Variants in TSHZ2 observed in about 807,000 individuals in gnomAD.
The protein encoded by TSHZ2 is teashirt homolog 2.
A neutral mutation model predicts 74.4 loss-of-function variants in TSHZ2; 21 were observed. The ratio of observed to expected loss-of-function variants is 0.28; its 90% confidence interval spans 0.20 to 0.41. The LOEUF (loss-of-function observed/expected upper bound fraction) is 0.41. Ranked by LOEUF, TSHZ2 falls within the 10% of genes least tolerant of loss-of-function variation. The probability of loss-of-function intolerance (pLI) is 1.00; values close to 1 mark genes in which losing one functional copy is unlikely to be tolerated. For synonymous variants in TSHZ2, 540 were observed against 515.3 expected (o/e 1.05, Z -0.65); for missense variants, 1,244 against 1,293.5 (o/e 0.96, Z 0.59).
rs147751795 is a variant in TSHZ2, at chr20:53,345,179, G to A, written c.*8+88608G>A. On this transcript the variant is annotated intron_variant, in intron 2 of 2. Transcript: ENST00000371497. ...GAGGCAGAGGAACCTGTGCCAAAGT[G>A]TGGATGTGTGTTTTTGTGGATATGG... 3.9e-5 allele frequency among the ~76,000 whole-genome samples: 6 copies of A among 152,362 alleles called. No individual in the cohort carries two copies. The East Asian group carries it at 1.2e-3, about 29-fold the overall frequency.
intron 1 of TSHZ2, among the ~76,000 whole-genome samples, chr20:53,054,816 A>C (rs912019739): frequency 1.3e-5 from 2 of 152,134 alleles, no homozygotes; most frequent in Admixed American, 1.3e-4. Flanking sequence ...GGCTATGGGC[A>C]CTATACAGCT....
At position 53,469,928 on chromosome 20, in the gene TSHZ2, A is replaced by T. The variant is rs149397970; in HGVS notation, c.*9-17216A>T. Among the ~76,000 whole-genome samples, 677 of 145,118 alleles carry T rather than the reference A, an allele frequency of 4.7e-3. 10 individuals carry two copies. Among genetic ancestry groups the T allele is most frequent in the African/African-American group, 0.017 (653 of 38,432 alleles). On this transcript the variant is annotated intron_variant, in intron 2 of 2. Transcript: ENST00000371497. ...AAGGAAGGAAGGAAGGAAGGCAGGCAGGCAGGCAGGCAGGCAGACACAACC... is the reference window on the plus strand; with the variant it reads ...AAGGAAGGAAGGAAGGAAGGCAGGCTGGCAGGCAGGCAGGCAGACACAACC...
At chr20:53,449,920 T>G (rs1365248975) in intron 2 of TSHZ2, among the ~76,000 whole-genome samples, 1 of 152,262 alleles carries the variant, frequency 6.6e-6, no homozygotes, top group Non-Finnish European at 1.5e-5. Context: ...TGCATTCTAC[T>G]TTCTTCACCA....
rs16997721 is a variant in TSHZ2, at chr20:53,185,208, T to G, written c.41-68291T>G. ...CTTTCCTCTGAATTTGTCTGGGAGC[T>G]TTTTACTGTCATTTAGCCTGTTTCT... On this transcript the variant is annotated intron_variant, in intron 1 of 2. Transcript: ENST00000371497. 1,765 of 987,678 alleles carry G rather than the reference T, an allele frequency of 1.8e-3. 22 individuals are homozygous for G. The African/African-American group carries it at 0.029, about 16-fold the overall frequency. 61.2% of individuals were successfully genotyped at this position (987,678 alleles called of 1,614,324 possible).
chr20:53,408,949 C>T (rs569380861), intron 2 of TSHZ2, among the ~76,000 whole-genome samples: 12 of 152,292 alleles, frequency 7.9e-5, no homozygotes, highest in African/African-American at 2.9e-4. Context: ...CCTAGGCCAG[C>T]CTATTCTTCT....
chr20:53,075,904 A>G (rs1485988774), intron 1 of TSHZ2, among the ~76,000 whole-genome samples: 2 of 152,288 alleles, frequency 1.3e-5, no homozygotes, highest in Non-Finnish European at 2.9e-5. Flanking sequence ...TAAGTGGCAC[A>G]TTCTCAACTG....
intron 1 of TSHZ2, among the ~76,000 whole-genome samples, chr20:52,995,273 A>G (rs1168906497): frequency 6.6e-6 from 1 of 152,166 alleles, no homozygotes; most frequent in Admixed American, 6.5e-5. Flanking sequence ...GAATCTCTAC[A>G]TGGGGTGGCT....
intron 1 of TSHZ2, among the ~76,000 whole-genome samples, chr20:53,144,863 A>G (rs991336811): frequency 1.8e-4 from 28 of 151,454 alleles, no homozygotes; most frequent in African/African-American, 6.8e-4. Context: ...ATAATAATAT[A>G]TAAAATACAA....
chr20:53,055,413 G>A (rs1268953825), intron 1 of TSHZ2, among the ~76,000 whole-genome samples: 1 of 152,146 alleles, frequency 6.6e-6, no homozygotes, highest in Non-Finnish European at 1.5e-5. Flanking sequence ...ACTAAAATTT[G>A]CAATAATTCA....
intron 1 of TSHZ2, among the ~76,000 whole-genome samples, chr20:53,152,896 G>A (rs1205880918): frequency 6.6e-6 from 1 of 152,130 alleles, no homozygotes; most frequent in South Asian, 2.1e-4. Flanking sequence ...GGGCTTTGAG[G>A]ACCCAGAGAA....
chr20:53,068,874 T>G (rs1985079499), intron 1 of TSHZ2, among the ~76,000 whole-genome samples: 1 of 147,788 alleles, frequency 6.8e-6, no homozygotes, highest in Non-Finnish European at 1.5e-5. Context: ...TTTTCTGTTG[T>G]TTTTTTTTTC....
At chr20:53,340,957 G>A (rs2052281216) in intron 2 of TSHZ2, among the ~76,000 whole-genome samples, 1 of 152,152 alleles carries the variant, frequency 6.6e-6, no homozygotes, top group African/African-American at 2.4e-5. Context: ...CCTACCTGCT[G>A]GCTTGTTGGT....
At chr20:53,038,080 T>C (rs894621137) in intron 1 of TSHZ2, among the ~76,000 whole-genome samples, 5 of 151,106 alleles carry the variant, frequency 3.3e-5, no homozygotes, top group Middle Eastern at 3.4e-3. Flanking sequence ...TGCCCGGGGC[T>C]AAAAGAAACT....
At chr20:53,233,392 GA>G (rs1433889928) in intron 1 of TSHZ2, among the ~76,000 whole-genome samples, 1 of 152,198 alleles carries the variant, frequency 6.6e-6, no homozygotes, top group African/African-American at 2.4e-5. Context: ...GACTATGTAA[GA>G]AGAGATCCTG....
intron 2 of TSHZ2, among the ~76,000 whole-genome samples, chr20:53,438,387 C>G (rs1984177125): frequency 6.6e-6 from 1 of 152,172 alleles, no homozygotes; most frequent in Admixed American, 6.5e-5. Context: ...AGCCACCAAG[C>G]CCAGCCTGCA....
chr20:53,302,808 T>C (rs1458118533), intron 2 of TSHZ2, among the ~76,000 whole-genome samples: 1 of 152,190 alleles, frequency 6.6e-6, no homozygotes, highest in African/African-American at 2.4e-5. Context: ...TTCATTTCCA[T>C]AAAATTTAAA....
At position 53,256,318 on chromosome 20, in the gene TSHZ2, A is replaced by C. The variant is rs1990480135; in HGVS notation, c.2860A>C (p.Lys954Gln). 6.2e-7 allele frequency: 1 copy of C among 1,613,952 alleles called. No individual in the cohort carries two copies. The highest frequency in any genetic ancestry group is 1.3e-5 in the African/African-American group (1 of 74,910). ...AGAATCTCACCTGGGTTTCCAAATG[A>C]AGGACATGACCCGCTTGTCAGTGGA... is the stretch of plus-strand genomic sequence containing the variant. The part of the protein sequence containing the change: ...HLESHLGFQM[K>Q]DMTRLSVDQQ... The change falls in exon 2 of 3, where the codon AAG becomes CAG. Residue 954 changes from lysine to glutamine, a missense_variant. This residue lies in a region of TSHZ2 where 185 missense variants were observed against 213.3 expected (regional missense o/e 0.87). Transcript: ENST00000371497. The surrounding 1 kb of genome is among the most constrained non-coding windows in gnomAD (Gnocchi z 4.3).
chr20:53,097,455 C>T (rs1986087320), intron 1 of TSHZ2, among the ~76,000 whole-genome samples: 1 of 152,120 alleles, frequency 6.6e-6, no homozygotes, highest in Non-Finnish European at 1.5e-5. Flanking sequence ...GCCTTTATGT[C>T]TCAGAAATGC....
intron 2 of TSHZ2, among the ~76,000 whole-genome samples, chr20:53,462,708 C>T (rs1365488273): frequency 6.6e-6 from 1 of 152,138 alleles, no homozygotes; most frequent in East Asian, 1.9e-4. Context: ...GGAGGAAAGC[C>T]TTGAATTACT....
Sources: gnomAD v4.1 joint callset for allele counts (sites outside exome capture counted in the v4.1 genomes callset) on GRCh38, gnomAD v4.1.1 for gene constraint, gnomAD v4.1.1 regional missense constraint, Gnocchi (gnomAD v3.1) non-coding constraint, MANE v1.5 for transcripts, NCBI Gene and HGNC (gene_info 2026-07-23, HGNC 2026-07-21) for gene names.